DECR2: variants seen among roughly 807,000 people sequenced by gnomAD.
DECR2 encodes the protein 2,4-dienoyl-CoA reductase 2, also known as peroxisomal 2,4-dienoyl-CoA reductase [(3E)-enoyl-CoA-producing].
In DECR2, 34 loss-of-function variants were observed where a neutral mutation model predicts 29.2. The observed-to-expected ratio is 1.16, with a 90% CI of 0.89 to 1.55. The LOEUF (loss-of-function observed/expected upper bound fraction) is 1.55. DECR2 is among the 40% of genes most tolerant of loss of function. DECR2 has a pLI of 0.00. For synonymous variants in DECR2, 224 were observed against 182.7 expected (o/e 1.23, Z -1.82); for missense variants, 485 against 425.3 (o/e 1.14, Z -1.23).
In DECR2 at chr16:410,802, C is replaced by CG; in HGVS notation, c.556+19dup. 6 of 1,565,070 alleles carry CG rather than the reference C, an allele frequency of 3.8e-6. No homozygotes were observed. The highest frequency in any genetic ancestry group is 5.2e-6 in the Non-Finnish European group (6 of 1,155,430). On this transcript the variant is annotated intron_variant, in intron 6 of 8. Coordinates refer to ENST00000219481, the MANE Select transcript of DECR2 (RefSeq NM_020664.4). This position sits in a 1 kb window ranked among gnomAD's most constrained non-coding sequence, Gnocchi z 4.1. The stretch of plus-strand genomic sequence containing the variant: ...CGCTGTGGGTATGACCACCCCCCCC[C>CG]GCCCAGGTTTGCCCACGTGGGTCCC...
rs376392054 is a variant in DECR2, at chr16:406,635, C to G, written c.201+238C>G. The G allele has an allele frequency of 6.7e-3, 4,270 of 639,872 alleles. 47 individuals carry two copies. Among genetic ancestry groups the G allele is most frequent in the East Asian group, 0.024 (790 of 33,374 alleles). The allele number at this position is 639,872 out of a possible 1,614,324, so 39.6% of individuals were successfully genotyped here. A position where few individuals can be genotyped will look rare whatever the true frequency, so the allele number is the denominator to read the frequency against. On this transcript the variant is annotated intron_variant, in intron 3 of 8. Coordinates refer to ENST00000219481, the MANE Select transcript of DECR2 (RefSeq NM_020664.4). ...GCCTCAGCCTCCGGAGTAGCTGGGA[C>G]TACAGGTGCCCGCCACCACGCCTGG...
chr16:409,878 G>A, intron 4 of DECR2: 2 of 227,896 alleles, frequency 8.8e-6, no homozygotes, highest in Non-Finnish European at 1.8e-5. Context: ...CCCGTGGCGT[G>A]TGTCTGTGTG....
rs746724359 is a variant in DECR2 at position 410,661 on chromosome 16, G to T, written c.463-30G>T. ...CTGTGACCTCCCCCGACACCCGCCC[G>T]CTCACTGCCCCGGGCCTTGTGTGTT... On this transcript the variant is annotated intron_variant, in intron 5 of 8. Transcript: ENST00000219481. The surrounding 1 kb of genome is among the most constrained non-coding windows in gnomAD (Gnocchi z 4.1). The T allele has an allele frequency of 3.8e-6, 6 of 1,572,708 alleles. No homozygotes were observed. The highest frequency in any genetic ancestry group is 5.2e-6 in the Non-Finnish European group (6 of 1,159,044).
intron 1 of DECR2, among the ~76,000 whole-genome samples, chr16:403,186 G>A (rs1319797319): frequency 1.4e-5 from 2 of 144,288 alleles, no homozygotes; most frequent in South Asian, 2.4e-4. Context: ...ACCACGCTGG[G>A]CTAATTGTAT....
intron 2 of DECR2, 75 bp downstream of exon 2, chr16:405,099 A>G (rs908332612): frequency 2.5e-6 from 4 of 1,570,838 alleles, no homozygotes; most frequent in Non-Finnish European, 3.5e-6. Context: ...CGACCCCTGG[A>G]AAGATGTTGG....
chr16:411,260 TCCTTGCTGTTC>T, intron 7 of DECR2, 90 bp from the exon 8 acceptor site: 2 of 1,296,220 alleles, frequency 1.5e-6, no homozygotes, highest in South Asian at 2.8e-5. Context: ...ACTGACTGTG[TCCTTGCTGTTC>T]CCAGATGCCT....
chr16:403,034 T>C lies in DECR2; in HGVS notation c.80+991T>C. The C allele has an allele frequency of 6.1e-6, 6 of 984,938 alleles. No homozygotes were observed. The South Asian group carries it at 2.4e-4, about 39-fold the overall frequency. 61.0% of individuals were successfully genotyped at this position (984,938 alleles called of 1,614,324 possible). On this transcript the variant is annotated intron_variant, in intron 1 of 8. Coordinates refer to ENST00000219481, the MANE Select transcript of DECR2 (RefSeq NM_020664.4). ...CTCCAAGGACAGGTATTGACAATTC[T>C]CTCTGAGTGTTCTGCAGGAAAAAAA...
At position 410,375 on chromosome 16, in the gene DECR2, C is replaced by T. The variant is rs1460840616; in HGVS notation, c.462+8C>T. 1.9e-6 allele frequency: 3 copies of T among 1,592,548 alleles called. No homozygotes were observed. The highest frequency in any genetic ancestry group is 2.6e-6 in the Non-Finnish European group (3 of 1,169,844). On this transcript the variant is annotated splice_region_variant and intron_variant, in intron 5 of 8. Transcript: ENST00000219481. This position sits in a 1 kb window ranked among gnomAD's most constrained non-coding sequence, Gnocchi z 4.1. Reference sequence around the variant, plus strand: ...TATGAGAAGTTCTTCCGGGTGGGTGCCTCGTGCGCTCTGTGAGAAGTTCTT... The same window carrying T: ...TATGAGAAGTTCTTCCGGGTGGGTGTCTCGTGCGCTCTGTGAGAAGTTCTT...
intron 2 of DECR2, 158 bp downstream of exon 2, chr16:405,182 G>C: frequency 1.2e-6 from 1 of 854,974 alleles, no homozygotes; most frequent in South Asian, 1.6e-5. Flanking sequence ...GGGAGCGGTC[G>C]AGGATTGCCC....
In DECR2 at chr16:411,210, G is replaced by A. The variant is rs2054814885; in HGVS notation, c.661+134G>A. 4 of 1,175,244 alleles carry A rather than the reference G, an allele frequency of 3.4e-6. No homozygotes were observed. In the South Asian group the frequency reaches 4.7e-5, roughly 14 times the overall value. The allele number at this position is 1,175,244 out of a possible 1,614,324, so 72.8% of individuals were successfully genotyped here. Reference sequence around the variant, plus strand: ...GGTTCCATGGTGGCAACTATGTTCTGTGCCTGGCCTGATCCTGCTCCATGC... The same window carrying A: ...GGTTCCATGGTGGCAACTATGTTCTATGCCTGGCCTGATCCTGCTCCATGC... On this transcript the variant is annotated intron_variant, in intron 7 of 8. Coordinates refer to ENST00000219481, the MANE Select transcript of DECR2 (RefSeq NM_020664.4).
chr16:410,815 C>A lies in DECR2; in HGVS notation c.556+31C>A. 1 of 1,553,250 alleles carries A rather than the reference C, an allele frequency of 6.4e-7. No individual in the cohort carries two copies. Among genetic ancestry groups the A allele is most frequent in the Non-Finnish European group, 8.7e-7 (1 of 1,147,716 alleles). On this transcript the variant is annotated intron_variant, in intron 6 of 8. Coordinates refer to ENST00000219481, the MANE Select transcript of DECR2 (RefSeq NM_020664.4). This position sits in a 1 kb window ranked among gnomAD's most constrained non-coding sequence, Gnocchi z 4.1. Reference sequence around the variant, plus strand: ...ACCACCCCCCCCCGCCCAGGTTTGCCCACGTGGGTCCCCAATGGGCCGTCT... The same window carrying A: ...ACCACCCCCCCCCGCCCAGGTTTGCACACGTGGGTCCCCAATGGGCCGTCT...
chr16:407,689 A>AC, intron 4 of DECR2, 129 bp downstream of exon 4: 2 of 1,439,254 alleles, frequency 1.4e-6, no homozygotes, highest in East Asian at 4.7e-5. Context: ...GGTGGGCTGC[A>AC]CCCCATCCAG....
rs537216066 is a variant in DECR2 at position 402,191 on chromosome 16, T to A, written c.80+148T>A. On this transcript the variant is annotated intron_variant, in intron 1 of 8. Transcript: ENST00000219481. The stretch of plus-strand genomic sequence containing the variant: ...TTCTTTTTTCTTTCTTTTTTTTTTT[T>A]TGAGACGGAATCTCGCTGTGTCGCC... 8 of 656,032 alleles carry A rather than the reference T, an allele frequency of 1.2e-5. No homozygotes were observed. The East Asian group carries it at 1.4e-4, about 11-fold the overall frequency. 40.6% of individuals were successfully genotyped at this position (656,032 alleles called of 1,614,324 possible). A position where few individuals can be genotyped will look rare whatever the true frequency, so the allele number is the denominator to read the frequency against.
Position 412,439 on chromosome 16 carries a change from C to T in DECR2, c.*550C>T, listed in dbSNP as rs2054827888. 1 of 151,984 alleles carries T rather than the reference C, an allele frequency of 6.6e-6. No homozygotes were observed. Among genetic ancestry groups the T allele is most frequent in the South Asian group, 2.1e-4 (1 of 4,836 alleles). The allele number at this position is 151,984 out of a possible 1,614,324, so 9.4% of individuals were successfully genotyped here. ...AAAAATAAATTGGACTTTGCAAAAG[C>T]TTTTAGAAGGAAAAGAAAGAGGATT... On this transcript the variant is annotated 3_prime_UTR_variant, in exon 9 of 9. Transcript: ENST00000219481.
intron 3 of DECR2, 128 bp downstream of exon 3, chr16:406,525 TC>T: frequency 1.1e-6 from 1 of 871,980 alleles, no homozygotes; most frequent in Admixed American, 2.3e-5. Context: ...GAGACGGGAG[TC>T]TCGCTCTGTC....
In DECR2 at chr16:406,369, C is replaced by T. The variant is rs1390451093; in HGVS notation, c.173C>T (p.Ala58Val). 1 of 1,607,830 alleles carries T rather than the reference C, an allele frequency of 6.2e-7. No homozygotes were observed. The highest frequency in any genetic ancestry group is 8.5e-7 in the Non-Finnish European group (1 of 1,179,936). Reference sequence around the variant, plus strand: ...AGGCACGGCTGCCATACGGTGATTGCCAGTAGGAGCCTGCCGCGAGTGCTG... The same window carrying T: ...AGGCACGGCTGCCATACGGTGATTGTCAGTAGGAGCCTGCCGCGAGTGCTG... ...FMRHGCHTVI[A>V]SRSLPRVLTA... is the part of the protein sequence containing the mutation. Residue 58 changes from alanine to valine, a missense_variant, in exon 3 of 9, where the codon GCC (alanine) becomes GTC (valine). Transcript: ENST00000219481.
chr16:410,010 G>T lies in DECR2; in HGVS notation c.338-233G>T. 3.7e-6 allele frequency: 2 copies of T among 544,816 alleles called. No individual in the cohort carries two copies. Among genetic ancestry groups the T allele is most frequent in the Non-Finnish European group, 6.4e-6 (2 of 310,776 alleles). The allele number at this position is 544,816 out of a possible 1,614,324, so 33.7% of individuals were successfully genotyped here. A position where few individuals can be genotyped will look rare whatever the true frequency, so the allele number is the denominator to read the frequency against. ...CCCATTTCCAAACAAGGCCACAGTCGCAGGTACGGAGCCAGGGCTTCAGCA... is the reference window on the plus strand; with the variant it reads ...CCCATTTCCAAACAAGGCCACAGTCTCAGGTACGGAGCCAGGGCTTCAGCA... On this transcript the variant is annotated intron_variant, in intron 4 of 8. Transcript: ENST00000219481. The surrounding 1 kb of genome is among the most constrained non-coding windows in gnomAD (Gnocchi z 4.1).
rs1247795049 is a variant in DECR2, at chr16:402,095, G to GGGCGCC, written c.80+59_80+64dup. The GGGCGCC allele has an allele frequency of 4.6e-6, 6 of 1,297,428 alleles. No homozygotes were observed. In the African/African-American group the frequency reaches 7.7e-5, roughly 17 times the overall value. 80.4% of individuals were successfully genotyped at this position (1,297,428 alleles called of 1,614,324 possible). Reference sequence around the variant, plus strand: ...AGCCTTGGTGCGGGGTCCGGTCCGCGGGCGCCGGCGCCCCCACGTGGTCCC... The same window carrying GGGCGCC: ...AGCCTTGGTGCGGGGTCCGGTCCGCGGGCGCCGGCGCCGGCGCCCCCACGTGGTCCC... On this transcript the variant is annotated intron_variant, in intron 1 of 8. Coordinates refer to ENST00000219481, the MANE Select transcript of DECR2 (RefSeq NM_020664.4).
intron 3 of DECR2, chr16:407,041 G>A: frequency 1.9e-6 from 2 of 1,043,804 alleles, no homozygotes; most frequent in Non-Finnish European, 2.3e-6. Context: ...GGGTAATGTG[G>A]CCCCAAGAAA....
Sources: gnomAD v4.1 joint callset for allele counts (sites outside exome capture counted in the v4.1 genomes callset) on GRCh38, gnomAD v4.1.1 for gene constraint, Gnocchi (gnomAD v3.1) non-coding constraint, MANE v1.5 for transcripts, NCBI Gene and HGNC (gene_info 2026-07-23, HGNC 2026-07-21) for gene names.